The following ACSM3 variants were observed in gnomAD, a reference collection of about 807,000 sequenced individuals.
ACSM3 encodes the protein acyl-CoA synthetase medium chain family member 3, also known as acyl-coenzyme A synthetase ACSM3, mitochondrial.
In ACSM3, 61 loss-of-function variants were observed where a neutral mutation model predicts 74.1. That is an observed-to-expected ratio of 0.82 (90% CI 0.67 to 1.02). The LOEUF is 1.02. ACSM3 is among the 50% of genes least tolerant of loss of function. The pLI is 0.00. For missense variants in ACSM3, 660 were observed against 697.0 expected, an observed-to-expected ratio of 0.95 and a Z score of 0.60; for synonymous variants, 213 against 241.5, an observed-to-expected ratio of 0.88 and a Z score of 1.09.
At chr16:20,698,570 A>G (rs1402158493) in intron 1 of ACSM3, among the ~76,000 whole-genome samples, 1 of 152,074 alleles carries the variant, frequency 6.6e-6, no homozygotes, top group Non-Finnish European at 1.5e-5. Flanking sequence ...ATGCAATGGC[A>G]TGGTCTTGGC....
At chr16:20,778,108 ACAGT>A (rs1274601340) in intron 4 of ACSM3, among the ~76,000 whole-genome samples, 1 of 152,248 alleles carries the variant, frequency 6.6e-6, no homozygotes, top group African/African-American at 2.4e-5. Flanking sequence ...CTGAAGGATC[ACAGT>A]CAGTCCTTCA....
intron 13 of ACSM3, 21 bp downstream of exon 13, chr16:20,796,510 G>T (rs750707571): frequency 1.2e-6 from 2 of 1,608,772 alleles, no homozygotes; most frequent in South Asian, 1.1e-5. Context: ...TAATTATAAC[G>T]AATATTTGCT....
intron 4 of ACSM3, 137 bp downstream of exon 4, chr16:20,777,717 T>A: frequency 1.3e-6 from 1 of 757,884 alleles, no homozygotes; most frequent in Non-Finnish European, 2.1e-6. Context: ...ATTGCTGCAC[T>A]AATAGTGCTA....
chr16:20,685,027 A>T (rs572715664), intron 1 of ACSM3, among the ~76,000 whole-genome samples: 12 of 152,356 alleles, frequency 7.9e-5, no homozygotes, highest in African/African-American at 2.6e-4. Flanking sequence ...TAAACTGATA[A>T]TTCCCACAGG....
chr16:20,684,892 C>T (rs2079518371), intron 1 of ACSM3, among the ~76,000 whole-genome samples: 1 of 151,896 alleles, frequency 6.6e-6, no homozygotes, highest in Non-Finnish European at 1.5e-5. Context: ...TGGCACTGCA[C>T]TTGAGAGTGT....
chr16:20,789,497 A>G, intron 9 of ACSM3: 1 of 1,613,360 alleles, frequency 6.2e-7, no homozygotes, highest in South Asian at 1.1e-5. Context: ...ACCAGAGAAT[A>G]TTCCCCTTTT....
intron 2 of ACSM3, among the ~76,000 whole-genome samples, chr16:20,772,394 T>A (rs1298347756): frequency 6.7e-6 from 1 of 150,292 alleles, no homozygotes; most frequent in Non-Finnish European, 1.5e-5. Context: ...ATTTAAAAAA[T>A]TTTAAAAATT....
At chr16:20,755,172 T>C (rs1387071885) in intron 2 of ACSM3, among the ~76,000 whole-genome samples, 2 of 152,170 alleles carry the variant, frequency 1.3e-5, no homozygotes, top group African/African-American at 4.8e-5. Context: ...CCCTTCCCTG[T>C]CCCCTACCTG....
intron 1 of ACSM3, chr16:20,680,473 A>G (rs2079418930): frequency 6.6e-6 from 1 of 152,256 alleles, no homozygotes; most frequent in African/African-American, 2.4e-5. Flanking sequence ...TGGAGGAACT[A>G]ATATGGGGAA....
chr16:20,742,792 A>AATATAT (rs1216173827), intron 1 of ACSM3, among the ~76,000 whole-genome samples: 34 of 136,404 alleles, frequency 2.5e-4, no homozygotes, highest in South Asian at 4.9e-4. Flanking sequence ...GGTGCGTGTA[A>AATATAT]ATATATATAT....
chr16:20,688,570 T>A (rs2079595584), intron 1 of ACSM3, among the ~76,000 whole-genome samples: 1 of 152,122 alleles, frequency 6.6e-6, no homozygotes, highest in South Asian at 2.1e-4. Context: ...AATAAGATTA[T>A]CAGTGGATTT....
rs1458724246 is a variant in ACSM3, at chr16:20,741,418, G to A, written c.-189-8492G>A. On this transcript the variant is annotated intron_variant, in intron 1 of 3. Coordinates refer to the ACSM3 transcript ENST00000561584. ...AGCCGTCACGCCGACGACCCGAGGC[G>A]CGCATGCCCATACCAGCAGCCATCC... The A allele has an allele frequency of 7.8e-6, 11 of 1,418,130 alleles. No individual in the cohort carries two copies. The Admixed American group carries it at 3.1e-4, about 40-fold the overall frequency. The allele number at this position is 1,418,130 out of a possible 1,614,324, so 87.8% of individuals were successfully genotyped here. A position where few individuals can be genotyped will look rare whatever the true frequency, so the allele number is the denominator to read the frequency against.
intron 1 of ACSM3, among the ~76,000 whole-genome samples, chr16:20,701,045 A>G (rs959970834): frequency 6.6e-6 from 1 of 152,150 alleles, no homozygotes; most frequent in Non-Finnish European, 1.5e-5. Context: ...TGGTTTTGAT[A>G]GGGAGTGAAT....
chr16:20,764,775 C>G (rs1355107713), intron 1 of ACSM3: 1 of 152,184 alleles, frequency 6.6e-6, no homozygotes, highest in East Asian at 1.9e-4. Flanking sequence ...CTGCTTAGCT[C>G]CCCACCTTGC....
chr16:20,751,632 C>G (rs1395493169), intron 2 of ACSM3, among the ~76,000 whole-genome samples: 1 of 152,082 alleles, frequency 6.6e-6, no homozygotes, highest in Non-Finnish European at 1.5e-5. Context: ...TCGGAGAAGC[C>G]CTGCCATTCT....
At chr16:20,730,003 G>A (rs943578159) in intron 1 of ACSM3, among the ~76,000 whole-genome samples, 3 of 152,146 alleles carry the variant, frequency 2.0e-5, no homozygotes, top group Admixed American at 2.0e-4. Flanking sequence ...AAAGGACAGA[G>A]CTCTCTTTTC....
upstream of ACSM3, among the ~76,000 whole-genome samples, chr16:20,760,629 G>A (rs1007407726): frequency 2.6e-5 from 4 of 152,140 alleles, no homozygotes; most frequent in Admixed American, 1.3e-4. Context: ...TTTGATGAAT[G>A]TGGAGTTGGG....
chr16:20,693,634 G>C (rs2079674704), intron 1 of ACSM3, among the ~76,000 whole-genome samples: 1 of 152,180 alleles, frequency 6.6e-6, no homozygotes, highest in South Asian at 2.1e-4. Context: ...TTGTCAAGTG[G>C]CTGGAGCTGA....
At position 20,722,830 on chromosome 16, in the gene ACSM3, T is replaced by C. The variant is rs1043502214; in HGVS notation, c.-189-27080T>C. On this transcript the variant is annotated intron_variant, in intron 1 of 3. Coordinates refer to the ACSM3 transcript ENST00000561584. ...AATATATATACATTCCTTCCAGCAA[T>C]TGGAAATTCCCAACAGACATACAGT... Among the ~76,000 whole-genome samples the C allele has an allele frequency of 3.3e-5, 5 of 152,194 alleles. No homozygotes were observed. In the East Asian group the frequency reaches 7.7e-4, roughly 23 times the overall value.
Sources: gnomAD v4.1 joint callset for allele counts (sites outside exome capture counted in the v4.1 genomes callset) on GRCh38, gnomAD v4.1.1 for gene constraint, MANE v1.5 for transcripts, NCBI Gene and HGNC (gene_info 2026-07-23, HGNC 2026-07-21) for gene names.